The following MINDY4B variants were observed in gnomAD, a reference collection of about 807,000 sequenced individuals.
MINDY4B encodes MINDY family member 4B, also known as inactive ubiquitin carboxyl-terminal hydrolase MINDY-4B.
MINDY4B carries 25 observed loss-of-function variants against 16.7 expected under a neutral mutation model. The observed-to-expected ratio is 1.49, with a 90% CI of 1.09 to 2.09. MINDY4B has a LOEUF of 2.09. MINDY4B is among the 30% of genes most tolerant of loss of function. The pLI, the probability that MINDY4B is intolerant of heterozygous loss-of-function variation, is 0.00. For synonymous variants in MINDY4B, 132 were observed against 61.9 expected, an observed-to-expected ratio of 2.13 and a Z score of -5.32; for missense variants, 327 against 168.4, an observed-to-expected ratio of 1.94 and a Z score of -5.21.
intron 3 of MINDY4B, among the ~76,000 whole-genome samples, chr3:150,896,563 T>C (rs1306427846): frequency 6.6e-6 from 1 of 152,208 alleles, no homozygotes; most frequent in Non-Finnish European, 1.5e-5. Flanking sequence ...GATTCTTTTG[T>C]CCCACGGGGC....
intron 3 of MINDY4B, among the ~76,000 whole-genome samples, chr3:150,900,526 GAATCCCAAGCTTGTCATCCTGA>G (rs1283301314): frequency 5.3e-5 from 8 of 152,164 alleles, no homozygotes; most frequent in African/African-American, 1.9e-4. Context: ...AGCATATTTA[GAATCCCAAGCTTGTCATCCTGA>G]ATTCCCAGGA....
chr3:150,885,429 C>T lies in MINDY4B; in HGVS notation c.763G>A (p.Glu255Lys), dbSNP rs1216621433. 1 of 700,110 alleles carries T rather than the reference C, an allele frequency of 1.4e-6. No individual in the cohort carries two copies. The highest frequency in any genetic ancestry group is 2.7e-5 in the East Asian group (1 of 37,240). 43.4% of individuals were successfully genotyped at this position (700,110 alleles called of 1,614,324 possible). The change falls in exon 8 of 12, where the codon GAA (glutamate) becomes AAA (lysine). Residue 255 changes from glutamate (E) to lysine (K), a missense_variant. Coordinates refer to ENST00000465419, the MANE Select transcript of MINDY4B (RefSeq NM_001351281.2). The part of the protein sequence containing the change: ...IYDHLLCFRG[E>K]GSHGVILFLY... ...AACAGGATGACACCATGGCTTCCTT[C>T]CCCTCTGAACTGTTCGGAAAAGAAA...
chr3:150,890,819 G>A, intron 6 of MINDY4B, 119 bp downstream of exon 6: 3 of 606,698 alleles, frequency 4.9e-6, no homozygotes, highest in Non-Finnish European at 6.0e-6. Flanking sequence ...TCTTTGGAAG[G>A]CACCTCCGGT....
intron 3 of MINDY4B, among the ~76,000 whole-genome samples, chr3:150,895,206 GC>G (rs1711929133): frequency 6.6e-6 from 1 of 152,086 alleles, no homozygotes; most frequent in South Asian, 2.1e-4. Flanking sequence ...TAGAGTATTT[GC>G]CTTTGTTCAC....
chr3:150,876,189 C>G (rs1166020195), intron 10 of MINDY4B, among the ~76,000 whole-genome samples: 4 of 152,214 alleles, frequency 2.6e-5, no homozygotes, highest in Non-Finnish European at 5.9e-5. Flanking sequence ...TTTTCAGCAT[C>G]ACATGCAGCA....
Position 150,885,431 on chromosome 3 carries a change from C to G in MINDY4B, c.761G>C (p.Gly254Ala), listed in dbSNP as rs754645077. 21 of 698,520 alleles carry G rather than the reference C, an allele frequency of 3.0e-5. No homozygotes were observed. The South Asian group carries it at 3.1e-4, about 10-fold the overall frequency. The allele number at this position is 698,520 out of a possible 1,614,324, so 43.3% of individuals were successfully genotyped here. A position where few individuals can be genotyped will look rare whatever the true frequency, so the allele number is the denominator to read the frequency against. ...CAGGATGACACCATGGCTTCCTTCCCCTCTGAACTGTTCGGAAAAGAAAAG... is the reference window on the plus strand; with the variant it reads ...CAGGATGACACCATGGCTTCCTTCCGCTCTGAACTGTTCGGAAAAGAAAAG... ...FIYDHLLCFR[G>A]EGSHGVILFL... is the part of the protein sequence containing the mutation. Residue 254 changes from glycine (G) to alanine (A), a missense_variant, in exon 8 of 12, where the codon GGG becomes GCG. Gly to Ala is a moderately conservative substitution (Grantham distance 60). Coordinates refer to ENST00000465419, the MANE Select transcript of MINDY4B (RefSeq NM_001351281.2).
At position 150,870,594 on chromosome 3, in the gene MINDY4B, C is replaced by T. The variant is rs1460153205; in HGVS notation, c.*451G>A. 6.6e-6 allele frequency among the ~76,000 whole-genome samples: 1 copy of T among 152,216 alleles called. No individual in the cohort carries two copies. Among genetic ancestry groups the T allele is most frequent in the African/African-American group, 2.4e-5 (1 of 41,458 alleles). ...CTGTATCCTTGGAAAGGAATGCCGT[C>T]CATACCAGGAAGTCCTTGAGAAGGC... On this transcript the variant is annotated 3_prime_UTR_variant, in exon 12 of 12. Coordinates refer to ENST00000465419, the MANE Select transcript of MINDY4B (RefSeq NM_001351281.2).
At chr3:150,903,710 A>G (rs1712170688) in intron 2 of MINDY4B, among the ~76,000 whole-genome samples, 1 of 152,218 alleles carries the variant, frequency 6.6e-6, no homozygotes. Context: ...GAAGAATGTA[A>G]ATGTCACTGT....
rs1302985193 is a variant in MINDY4B, at chr3:150,890,965, G to A, written c.660C>T (p.Asp220=). 2.8e-6 allele frequency: 2 copies of A among 702,836 alleles called. No homozygotes were observed. The highest frequency in any genetic ancestry group is 5.2e-6 in the Non-Finnish European group (2 of 384,838). 43.5% of individuals were successfully genotyped at this position (702,836 alleles called of 1,614,324 possible). The change falls in exon 6 of 12, where the codon GAC becomes GAT. Residue 220 remains aspartate, a synonymous_variant. Transcript: ENST00000465419. ...GCTCAGTGAAATTGTCCACAGAGTA[G>A]TCCGGAGTCGACGCAACGTAAATGT... ...TEDIYVASTP[D]YSVDNFTERL...
intron 5 of MINDY4B, among the ~76,000 whole-genome samples, chr3:150,892,940 C>CA (rs36086608): frequency 0.46 from 64,470 of 138,834 alleles, 14,138 homozygotes; most frequent in South Asian, 0.57. Flanking sequence ...GACTTTGTTG[C>CA]AAAAAAAAAA....
chr3:150,894,898 T>C (rs1485500930), intron 3 of MINDY4B, among the ~76,000 whole-genome samples: 1 of 152,190 alleles, frequency 6.6e-6, no homozygotes, highest in Non-Finnish European at 1.5e-5. Context: ...ATGTAAAAAG[T>C]CTAACACCCC....
At position 150,888,061 on chromosome 3, in the gene MINDY4B, C is replaced by T. The variant is rs13079392; in HGVS notation, c.753+2259G>A. 1.4e-4 allele frequency among the ~76,000 whole-genome samples: 21 copies of T among 152,052 alleles called. No individual in the cohort carries two copies. In the East Asian group the frequency reaches 1.9e-3, roughly 14 times the overall value. ...GGCGGAGGTTGCAGTGAGCCGAGAT[C>T]GCACCACTGTACTCCAGCCCGGGAG... On this transcript the variant is annotated intron_variant, in intron 7 of 11. Coordinates refer to ENST00000465419, the MANE Select transcript of MINDY4B (RefSeq NM_001351281.2).
At chr3:150,889,678 A>G (rs1206537761) in intron 7 of MINDY4B, among the ~76,000 whole-genome samples, 1 of 152,248 alleles carries the variant, frequency 6.6e-6, no homozygotes, top group Admixed American at 6.5e-5. Flanking sequence ...GAACAGTTGT[A>G]TCACTTCATG....
intron 5 of MINDY4B, among the ~76,000 whole-genome samples, chr3:150,891,641 A>G (rs1711809902): frequency 6.6e-6 from 1 of 151,880 alleles, no homozygotes; most frequent in African/African-American, 2.4e-5. Flanking sequence ...AGGCGCCTGT[A>G]GTCCCAGCTA....
At chr3:150,900,088 G>T (rs575739149) in intron 3 of MINDY4B, among the ~76,000 whole-genome samples, 1 of 152,306 alleles carries the variant, frequency 6.6e-6, no homozygotes, top group South Asian at 2.1e-4. Flanking sequence ...AGGTGGGGCT[G>T]GTGGAATAGC....
chr3:150,878,171 G>T lies in MINDY4B; in HGVS notation c.1059+4726C>A, dbSNP rs190022678. 1.5e-3 allele frequency among the ~76,000 whole-genome samples: 224 copies of T among 152,170 alleles called. 1 individual carries two copies. The highest frequency in any genetic ancestry group is 5.3e-3 in the African/African-American group (218 of 41,516). Reference sequence around the variant, plus strand: ...CCAGAAAGGGCCAGGCACACAATAGGTGCTATATGCACAAGGTTATTAGCA... The same window carrying T: ...CCAGAAAGGGCCAGGCACACAATAGTTGCTATATGCACAAGGTTATTAGCA... On this transcript the variant is annotated intron_variant, in intron 10 of 11. Coordinates refer to ENST00000465419, the MANE Select transcript of MINDY4B (RefSeq NM_001351281.2).
chr3:150,880,319 G>A (rs1711512480), intron 10 of MINDY4B, among the ~76,000 whole-genome samples: 1 of 152,134 alleles, frequency 6.6e-6, no homozygotes, highest in Non-Finnish European at 1.5e-5. Flanking sequence ...GTGTGTGTGT[G>A]TGTGTGTGTG....
chr3:150,888,023 C>T (rs1711672299), intron 7 of MINDY4B, among the ~76,000 whole-genome samples: 8 of 152,172 alleles, frequency 5.3e-5, no homozygotes, highest in Admixed American at 5.2e-4. Context: ...AGGAGAATGG[C>T]ATGAACCCGG....
At chr3:150,901,736 G>C (rs1191230444) in intron 3 of MINDY4B, among the ~76,000 whole-genome samples, 1 of 151,942 alleles carries the variant, frequency 6.6e-6, no homozygotes, top group African/African-American at 2.4e-5. Flanking sequence ...GGCCAGGCTG[G>C]TCTTGAACTC....
Sources: allele counts gnomAD v4.1 joint callset (sites outside exome capture counted in the v4.1 genomes callset), GRCh38; gene constraint gnomAD v4.1.1; transcripts MANE v1.5; gene names NCBI Gene and HGNC (gene_info 2026-07-23, HGNC 2026-07-21).